Variants in SLC24A2 observed in about 807,000 individuals in gnomAD.
The protein encoded by SLC24A2 is solute carrier family 24 member 2, also known as sodium/potassium/calcium exchanger 2.
Under a neutral mutation model 62.0 loss-of-function variants are expected in SLC24A2, and 36 were observed. That is an observed-to-expected ratio of 0.58 (90% CI 0.44 to 0.77). The LOEUF (loss-of-function observed/expected upper bound fraction) is 0.77. SLC24A2 is among the 30% of genes least tolerant of loss of function. The pLI is 0.00. For missense variants in SLC24A2, 846 were observed against 817.9 expected (o/e 1.03, Z -0.42); for synonymous variants, 358 against 294.0 (o/e 1.22, Z -2.23).
chr9:19,864,802 A>G, the SLC24A2 span, among the ~76,000 whole-genome samples: 2 of 152,134 alleles, frequency 1.3e-5, no homozygotes, highest in African/African-American at 2.4e-5. Flanking sequence ...CACTTTCATC[A>G]TTGTTATTCA....
chr9:20,075,669 G>A, the SLC24A2 span, among the ~76,000 whole-genome samples: 1 of 145,162 alleles, frequency 6.9e-6, no homozygotes, highest in African/African-American at 2.6e-5. Flanking sequence ...CTGTTTGTTA[G>A]CATTCTCCCA....
chr9:19,946,711 C>T, the SLC24A2 span, among the ~76,000 whole-genome samples: 1 of 152,180 alleles, frequency 6.6e-6, no homozygotes, highest in Non-Finnish European at 1.5e-5. Flanking sequence ...GGGATTTGGT[C>T]CCCACTCCAC....
chr9:20,093,039 A>G, the SLC24A2 span, among the ~76,000 whole-genome samples: 3 of 151,570 alleles, frequency 2.0e-5, no homozygotes, highest in Admixed American at 6.6e-5. Context: ...TAATATTTTG[A>G]TTCTTACTTT....
chr9:20,214,176 C>T, the SLC24A2 span, among the ~76,000 whole-genome samples: 18,713 of 152,144 alleles, frequency 0.12, 1,259 homozygotes, highest in Admixed American at 0.18. Flanking sequence ...GTCAAATTCA[C>T]AGAATCAAAG....
intron 4 of SLC24A2, 39 bp downstream of exon 4, chr9:19,619,544 TC>T (rs1564001244): frequency 4.8e-6 from 7 of 1,470,928 alleles, no homozygotes; most frequent in East Asian, 2.3e-5. Context: ...GGCATCCTTT[TC>T]CCCCCAAACA....
the SLC24A2 span, among the ~76,000 whole-genome samples, chr9:19,810,952 T>A: frequency 6.6e-6 from 1 of 151,240 alleles, no homozygotes; most frequent in South Asian, 2.1e-4. Flanking sequence ...TGTTTGAAAA[T>A]AAAATTCTTC....
chr9:19,895,893 C>T, the SLC24A2 span: 1 of 1,613,434 alleles, frequency 6.2e-7, no homozygotes, highest in African/African-American at 1.3e-5. Flanking sequence ...GTGTGATGCG[C>T]CGGGCAGGGT....
intron 5 of SLC24A2, among the ~76,000 whole-genome samples, chr9:19,582,719 G>C (rs1836243370): frequency 6.6e-6 from 1 of 151,952 alleles, no homozygotes; most frequent in Non-Finnish European, 1.5e-5. Flanking sequence ...ACTTAAGTTA[G>C]GCATAGACTT....
At chr9:19,955,702 C>T in the SLC24A2 span, among the ~76,000 whole-genome samples, 1 of 152,116 alleles carries the variant, frequency 6.6e-6, no homozygotes, top group African/African-American at 2.4e-5. Context: ...GGGAAAAATG[C>T]TTTTCTATAG....
the SLC24A2 span, among the ~76,000 whole-genome samples, chr9:20,221,717 T>A: frequency 6.6e-6 from 1 of 151,982 alleles, no homozygotes; most frequent in Non-Finnish European, 1.5e-5. Context: ...TGTTTAAAGC[T>A]CTCAGAGAGC....
At chr9:19,773,433 C>A (rs1421241939) in intron 2 of SLC24A2, among the ~76,000 whole-genome samples, 3 of 152,150 alleles carry the variant, frequency 2.0e-5, no homozygotes, top group African/African-American at 7.2e-5. Context: ...AATTGAAATG[C>A]CTTACCTACC....
At chr9:20,104,319 C>T in the SLC24A2 span, among the ~76,000 whole-genome samples, 1 of 152,220 alleles carries the variant, frequency 6.6e-6, no homozygotes, top group African/African-American at 2.4e-5. Flanking sequence ...GCAAGGCAGG[C>T]CAACATTCAC....
At chr9:20,077,800 T>C in the SLC24A2 span, among the ~76,000 whole-genome samples, 1 of 152,236 alleles carries the variant, frequency 6.6e-6, no homozygotes, top group Non-Finnish European at 1.5e-5. Context: ...TAATCCTTTC[T>C]GGTTTTTTGA....
the SLC24A2 span, among the ~76,000 whole-genome samples, chr9:20,062,729 C>T: frequency 8.4e-6 from 1 of 119,308 alleles, no homozygotes; most frequent in Non-Finnish European, 1.7e-5. Context: ...AGAAAATTTT[C>T]ACAACCTACT....
chr9:19,773,552 C>T (rs1409117597), intron 2 of SLC24A2, among the ~76,000 whole-genome samples: 1 of 152,182 alleles, frequency 6.6e-6, no homozygotes, highest in Non-Finnish European at 1.5e-5. Flanking sequence ...TAAAACACTA[C>T]ATTTTATGAC....
At chr9:20,231,277 G>A in the SLC24A2 span, among the ~76,000 whole-genome samples, 491 of 152,210 alleles carry the variant, frequency 3.2e-3, 2 homozygotes, top group African/African-American at 0.01. Flanking sequence ...GAAGAAAGTC[G>A]TTGGTAGCTT....
the SLC24A2 span, among the ~76,000 whole-genome samples, chr9:20,111,299 C>A: frequency 1.3e-5 from 2 of 152,258 alleles, no homozygotes; most frequent in African/African-American, 4.8e-5. Flanking sequence ...GCCAGATCTC[C>A]CTACTGAATG....
the SLC24A2 span, among the ~76,000 whole-genome samples, chr9:20,104,905 A>T: frequency 6.6e-5 from 10 of 152,354 alleles, no homozygotes; most frequent in African/African-American, 2.4e-4. Flanking sequence ...ACACTGGCAA[A>T]CTGGATAAAG....
At chr9:19,665,754 G>T (rs1819233797) in intron 2 of SLC24A2, among the ~76,000 whole-genome samples, 1 of 151,970 alleles carries the variant, frequency 6.6e-6, no homozygotes, top group African/African-American at 2.4e-5. Context: ...CCCTCAAGTA[G>T]CTGGTACGCG....
Sources: gnomAD v4.1 joint callset for allele counts (sites outside exome capture counted in the v4.1 genomes callset) on GRCh38, gnomAD v4.1.1 for gene constraint, MANE v1.5 for transcripts, NCBI Gene and HGNC (gene_info 2026-07-23, HGNC 2026-07-21) for gene names.